FMN1: variants seen among roughly 807,000 people sequenced by gnomAD.
FMN1 encodes formin 1, also known as formin-1.
A neutral mutation model predicts 132.4 loss-of-function variants in FMN1; 110 were observed. That is an observed-to-expected ratio of 0.83 (90% confidence interval 0.71 to 0.97). The LOEUF (loss-of-function observed/expected upper bound fraction) is 0.97. FMN1 is among the 50% of genes least tolerant of loss of function. FMN1 has a pLI of 0.00. For synonymous variants in FMN1, 722 were observed against 651.7 expected (o/e 1.11, Z -1.64); for missense variants, 1,792 against 1,705.3 (o/e 1.05, Z -0.90).
chr15:32,984,816 C>G (rs55933118), intron 7 of FMN1, among the ~76,000 whole-genome samples: 5,672 of 151,960 alleles, frequency 0.037, 359 homozygotes, highest in African/African-American at 0.13. Flanking sequence ...ATTGCATCAT[C>G]CAATAAAAAC....
At chr15:32,874,462 A>C (rs1426800811) in intron 16 of FMN1, among the ~76,000 whole-genome samples, 1 of 152,214 alleles carries the variant, frequency 6.6e-6, no homozygotes, top group Non-Finnish European at 1.5e-5. Context: ...CTTGAAACCA[A>C]GGTGGCAAGT....
At chr15:32,780,556 G>T (rs962533556) in intron 19 of FMN1, among the ~76,000 whole-genome samples, 1 of 152,210 alleles carries the variant, frequency 6.6e-6, no homozygotes, top group Non-Finnish European at 1.5e-5. Flanking sequence ...TTCTGCCTAT[G>T]GAGTAGCCAT....
Position 32,774,170 on chromosome 15 carries a change from C to T in FMN1, c.*140G>A. 1.4e-6 allele frequency: 1 copy of T among 703,354 alleles called. No individual in the cohort carries two copies. The highest frequency in any genetic ancestry group is 2.5e-6 in the Non-Finnish European group (1 of 399,942). The allele number at this position is 703,354 out of a possible 1,614,324, so 43.6% of individuals were successfully genotyped here. Reference sequence around the variant, plus strand: ...TAAAGAAGGCATGGGGCACTCTCTGCAGATGACCTCAGAAAGAGATGAGCA... The same window carrying T: ...TAAAGAAGGCATGGGGCACTCTCTGTAGATGACCTCAGAAAGAGATGAGCA... On this transcript the variant is annotated 3_prime_UTR_variant, in exon 21 of 21. Transcript: ENST00000616417.
At chr15:32,910,862 T>A (rs936978139) in intron 10 of FMN1, among the ~76,000 whole-genome samples, 1 of 152,232 alleles carries the variant, frequency 6.6e-6, no homozygotes, top group African/African-American at 2.4e-5. Flanking sequence ...ATTTTAAATC[T>A]TTCTTCCCGA....
rs531943102 is a variant in FMN1 at position 32,772,272 on chromosome 15, A to G, written c.*2038T>C. The G allele has an allele frequency of 6.6e-6, 1 of 152,150 alleles. No individual in the cohort carries two copies. The highest frequency in any genetic ancestry group is 1.5e-5 in the Non-Finnish European group (1 of 68,056). The allele number at this position is 152,150 out of a possible 1,614,324, so 9.4% of individuals were successfully genotyped here. A position where few individuals can be genotyped will look rare whatever the true frequency, so the allele number is the denominator to read the frequency against. On this transcript the variant is annotated 3_prime_UTR_variant, in exon 21 of 21. Coordinates refer to ENST00000616417, the MANE Select transcript of FMN1 (RefSeq NM_001277313.2). ...CGTAAGCATCCTACTTACAGACCAA[A>G]GTGGACTGCAATGAGTACACCTCAA...
At chr15:33,124,967 G>A (rs3861200) in intron 4 of FMN1, among the ~76,000 whole-genome samples, 52,839 of 151,866 alleles carry the variant, frequency 0.35, 10,090 homozygotes, top group South Asian at 0.41. Flanking sequence ...TTTGAAATCA[G>A]AGGCAATTCA....
intron 17 of FMN1, among the ~76,000 whole-genome samples, chr15:32,844,374 A>G (rs969431649): frequency 1.3e-5 from 2 of 152,194 alleles, no homozygotes; most frequent in Admixed American, 1.3e-4. Context: ...AGTGTGATCT[A>G]TCAGACCTGC....
intron 6 of FMN1, among the ~76,000 whole-genome samples, chr15:33,011,197 C>T (rs2034698202): frequency 1.3e-5 from 2 of 152,064 alleles, no homozygotes; most frequent in Non-Finnish European, 2.9e-5. Context: ...GGTACAGACA[C>T]AGGGATTAAC....
At chr15:32,984,398 A>G (rs1282809017) in intron 7 of FMN1, among the ~76,000 whole-genome samples, 1 of 152,194 alleles carries the variant, frequency 6.6e-6, no homozygotes, top group Admixed American at 6.5e-5. Context: ...GGTCTCCAAG[A>G]CAGATAAGGG....
chr15:32,895,741 GTTT>G (rs983575046), intron 15 of FMN1, among the ~76,000 whole-genome samples: 3 of 115,786 alleles, frequency 2.6e-5, no homozygotes, highest in African/African-American at 4.2e-5. Context: ...AAGGAAGAAA[GTTT>G]TTTTTCTTGT....
chr15:32,947,331 T>C (rs1036601827), intron 9 of FMN1, among the ~76,000 whole-genome samples: 13 of 152,128 alleles, frequency 8.5e-5, no homozygotes, highest in African/African-American at 3.1e-4. Flanking sequence ...CATATATGCA[T>C]AGATTTGCTT....
chr15:32,944,964 C>T (rs1179899658), intron 9 of FMN1, among the ~76,000 whole-genome samples: 2 of 152,164 alleles, frequency 1.3e-5, no homozygotes, highest in Non-Finnish European at 2.9e-5. Context: ...CAAAGCTTGG[C>T]CCTGCGAACA....
chr15:32,871,370 A>T (rs1388088108), intron 16 of FMN1, among the ~76,000 whole-genome samples: 1 of 152,058 alleles, frequency 6.6e-6, no homozygotes, highest in Non-Finnish European at 1.5e-5. Flanking sequence ...TTGATAAAGA[A>T]TTTTTTTGTA....
chr15:32,795,370 G>T (rs987760566), intron 19 of FMN1, among the ~76,000 whole-genome samples: 1 of 152,094 alleles, frequency 6.6e-6, no homozygotes, highest in African/African-American at 2.4e-5. Context: ...AGTACCTATA[G>T]CTCAAGAGCA....
At chr15:33,051,863 AGTCAAAG>A (rs1259396041) in intron 6 of FMN1, among the ~76,000 whole-genome samples, 1 of 152,196 alleles carries the variant, frequency 6.6e-6, no homozygotes. Context: ...TAAAACCCCA[AGTCAAAG>A]GTCAAACACT....
At chr15:33,095,272 C>T (rs1337280583) in intron 4 of FMN1, among the ~76,000 whole-genome samples, 8 of 151,978 alleles carry the variant, frequency 5.3e-5, no homozygotes, top group Non-Finnish European at 7.4e-5. Context: ...TGCTTGAACC[C>T]GGGAGGCAGA....
intron 6 of FMN1, among the ~76,000 whole-genome samples, chr15:33,022,156 AC>A (rs1433882709): frequency 6.6e-6 from 1 of 152,166 alleles, no homozygotes; most frequent in African/African-American, 2.4e-5. Flanking sequence ...ACCTAATACA[AC>A]GTCAATGCTA....
chr15:33,126,329 G>A (rs1158715346), intron 4 of FMN1, among the ~76,000 whole-genome samples: 21 of 151,700 alleles, frequency 1.4e-4, no homozygotes, highest in South Asian at 1.0e-3. Context: ...GTCTAATAGA[G>A]AGGAGGCAGA....
chr15:32,974,548 C>T (rs977445935), intron 7 of FMN1, among the ~76,000 whole-genome samples: 1 of 152,188 alleles, frequency 6.6e-6, no homozygotes, highest in Admixed American at 6.5e-5. Flanking sequence ...GGTTCTCAAG[C>T]CCTGCTCCCA....
Sources: allele counts gnomAD v4.1 joint callset (sites outside exome capture counted in the v4.1 genomes callset), GRCh38; gene constraint gnomAD v4.1.1; transcripts MANE v1.5; gene names NCBI Gene and HGNC (gene_info 2026-07-23, HGNC 2026-07-21).